PC: variants seen among roughly 807,000 people sequenced by gnomAD.
PC encodes the protein pyruvate carboxylase.
Under a neutral mutation model 107.8 loss-of-function variants are expected in PC, and 46 were observed. The ratio of observed to expected loss-of-function variants is 0.43; its 90% CI spans 0.34 to 0.55. The LOEUF (loss-of-function observed/expected upper bound fraction) is 0.55. PC is among the 20% of genes least tolerant of loss of function. The pLI, the probability that PC is intolerant of heterozygous loss-of-function variation, is 0.04. For synonymous variants in PC, 662 were observed against 684.7 expected (o/e 0.97, Z 0.52); for missense variants, 1,241 against 1,643.1 (o/e 0.76, Z 4.23).
intron 2 of PC, among the ~76,000 whole-genome samples, chr11:66,953,781 G>A (rs1404949462): frequency 6.6e-6 from 1 of 152,170 alleles, no homozygotes; most frequent in Admixed American, 6.6e-5. Context: ...AAATGGGATG[G>A]CACGTGAGAG....
chr11:66,936,466 A>T (rs1458625383), intron 3 of PC, among the ~76,000 whole-genome samples: 1 of 152,114 alleles, frequency 6.6e-6, no homozygotes, highest in Non-Finnish European at 1.5e-5. Flanking sequence ...CAATATTGTT[A>T]TTGGCAATTG....
In PC at chr11:66,870,280, A is replaced by G; in HGVS notation, c.903+22T>C. ...CCTGTGAGCACAGGCTCCTGTCCCA[A>G]CACGGGAAGCCCACCCTTCACCTGT... On this transcript the variant is annotated intron_variant, in intron 9 of 22. Coordinates refer to ENST00000393960, the MANE Select transcript of PC (RefSeq NM_001040716.2). This position sits in a 1 kb window ranked among gnomAD's most constrained non-coding sequence, Gnocchi z 6.1. The G allele has an allele frequency of 6.2e-7, 1 of 1,611,916 alleles. No individual in the cohort carries two copies. Among genetic ancestry groups the G allele is most frequent in the Non-Finnish European group, 8.5e-7 (1 of 1,179,920 alleles).
intron 3 of PC, among the ~76,000 whole-genome samples, chr11:66,879,796 C>CA (rs1947120698): frequency 6.6e-6 from 1 of 152,158 alleles, no homozygotes; most frequent in African/African-American, 2.4e-5. Flanking sequence ...AGGAGGCAGT[C>CA]AGAGACGGGA....
At position 66,851,293 on chromosome 11, in the gene PC, G is replaced by C; in HGVS notation, c.1983-13C>G. On this transcript the variant is annotated splice_polypyrimidine_tract_variant and intron_variant, in intron 16 of 22. Coordinates refer to ENST00000393960, the MANE Select transcript of PC (RefSeq NM_001040716.2). ...CACTTCACAGAACCTGCAAGGGTGA[G>C]AGAGCCCAGGGCTGAGCCCCACCCC... 6.3e-7 allele frequency: 1 copy of C among 1,599,852 alleles called. No homozygotes were observed. The highest frequency in any genetic ancestry group is 8.5e-7 in the Non-Finnish European group (1 of 1,179,938).
At chr11:66,860,695 C>T (rs906702148) in intron 12 of PC, 7 of 700,964 alleles carry the variant, frequency 1.0e-5, no homozygotes, top group East Asian at 2.7e-5. Context: ...CTTGGGCAGG[C>T]GGCCTACCCT....
intron 3 of PC, among the ~76,000 whole-genome samples, chr11:66,927,637 C>T (rs1391778473): frequency 3.3e-5 from 5 of 151,524 alleles, no homozygotes; most frequent in East Asian, 1.9e-4. Flanking sequence ...GTAGGAGAAT[C>T]GCTTGAACCC....
intron 3 of PC, among the ~76,000 whole-genome samples, chr11:66,935,867 T>TCGGG (rs1440637831): frequency 2.0e-5 from 3 of 152,022 alleles, no homozygotes; most frequent in Non-Finnish European, 4.4e-5. Flanking sequence ...GGCAGGAGGA[T>TCGGG]CGCTTGAGCT....
intron 12 of PC, among the ~76,000 whole-genome samples, chr11:66,854,090 C>G (rs904961674): frequency 6.6e-6 from 1 of 152,350 alleles, no homozygotes; most frequent in South Asian, 2.1e-4. Flanking sequence ...TTACCAAAAC[C>G]TGCATCCCAT....
chr11:66,850,480 A>G lies in PC; in HGVS notation c.2474-16T>C. The G allele has an allele frequency of 6.2e-7, 1 of 1,613,798 alleles. No homozygotes were observed. The highest frequency in any genetic ancestry group is 8.5e-7 in the Non-Finnish European group (1 of 1,180,016). On this transcript the variant is annotated splice_polypyrimidine_tract_variant and intron_variant, in intron 18 of 22. Coordinates refer to ENST00000393960, the MANE Select transcript of PC (RefSeq NM_001040716.2). ...ATGGGCACCTCTGCAGGGAGGCCAG[A>G]GTCAGAGGAGGCCTTAGAAATGTGT...
At chr11:66,873,536 A>G (rs1387915720) in intron 3 of PC, among the ~76,000 whole-genome samples, 2 of 100,156 alleles carry the variant, frequency 2.0e-5, no homozygotes, top group Non-Finnish European at 3.7e-5. Flanking sequence ...TATAATATAT[A>G]TTATATATAA....
chr11:66,899,744 A>C (rs1947882745), intron 3 of PC, among the ~76,000 whole-genome samples: 1 of 152,176 alleles, frequency 6.6e-6, no homozygotes, highest in Admixed American at 6.5e-5. Flanking sequence ...GTGTTCTTTG[A>C]TGTACAAAGG....
chr11:66,876,870 G>C (rs1324598000), intron 3 of PC, among the ~76,000 whole-genome samples: 1 of 152,134 alleles, frequency 6.6e-6, no homozygotes, highest in South Asian at 2.1e-4. Flanking sequence ...GGGAGCCTTC[G>C]GGACAAGCAC....
At chr11:66,925,452 T>C (rs985006333) in intron 3 of PC, among the ~76,000 whole-genome samples, 1 of 152,150 alleles carries the variant, frequency 6.6e-6, no homozygotes, top group Non-Finnish European at 1.5e-5. Flanking sequence ...CCCATTTGCT[T>C]TTGAAAGAAG....
At chr11:66,946,917 G>C (rs1414691022) in intron 3 of PC, among the ~76,000 whole-genome samples, 1 of 152,124 alleles carries the variant, frequency 6.6e-6, no homozygotes, top group Non-Finnish European at 1.5e-5. Flanking sequence ...TTATCATTAG[G>C]AAAATTCAAA....
chr11:66,917,120 G>A (rs1458787895), intron 3 of PC, among the ~76,000 whole-genome samples: 1 of 151,852 alleles, frequency 6.6e-6, no homozygotes, highest in Non-Finnish European at 1.5e-5. Context: ...TGCCCAGGCT[G>A]GAGTGCAGTG....
intron 3 of PC, among the ~76,000 whole-genome samples, chr11:66,904,089 G>A (rs533679435): frequency 2.6e-5 from 4 of 151,932 alleles, no homozygotes; most frequent in East Asian, 1.9e-4. Flanking sequence ...GAGTAACCTC[G>A]CCTGGTAGGT....
In PC at chr11:66,871,106, G is replaced by T. The variant is rs1946712996; in HGVS notation, c.579C>A (p.Phe193Leu). The T allele has an allele frequency of 6.2e-7, 1 of 1,613,970 alleles. No individual in the cohort carries two copies. Among genetic ancestry groups the T allele is most frequent in the East Asian group, 2.2e-5 (1 of 44,858 alleles). Reference protein sequence around the residue: ...FSNTYGFPIIFKAAYGGGGRG... With the variant: ...FSNTYGFPIILKAAYGGGGRG... ...GCCCTCCACCCCCATAGGCCGCCTT[G>T]AAGATGATGGGGAAGCCGTAGGTGT... The change falls in exon 7 of 23, where the codon TTC (phenylalanine) becomes TTA (leucine). Residue 193 changes from phenylalanine (F) to leucine (L), a missense_variant. Coordinates refer to ENST00000393960, the MANE Select transcript of PC (RefSeq NM_001040716.2). This position sits in a 1 kb window ranked among gnomAD's most constrained non-coding sequence, Gnocchi z 7.4.
chr11:66,946,631 T>A (rs1300331703), intron 3 of PC, among the ~76,000 whole-genome samples: 5 of 150,884 alleles, frequency 3.3e-5, no homozygotes, highest in East Asian at 3.9e-4. Flanking sequence ...AAAAAAAAAA[T>A]TTTTTTTAAA....
Position 66,857,586 on chromosome 11 carries a change from C to A in PC, c.1369-4203G>T. 2.7e-6 allele frequency: 2 copies of A among 746,480 alleles called. No individual in the cohort carries two copies. The highest frequency in any genetic ancestry group is 4.2e-6 in the Non-Finnish European group (2 of 472,958). The allele number at this position is 746,480 out of a possible 1,614,324, so 46.2% of individuals were successfully genotyped here. On this transcript the variant is annotated intron_variant, in intron 12 of 22. Coordinates refer to ENST00000393960, the MANE Select transcript of PC (RefSeq NM_001040716.2). The surrounding 1 kb of genome is among the most constrained non-coding windows in gnomAD (Gnocchi z 7.1). ...GGGGCCTGGCCCTGCAGGCCCCAAC[C>A]TTCCCTCATCTCTGGCGGCCCTCTT...
Sources: allele counts gnomAD v4.1 joint callset (sites outside exome capture counted in the v4.1 genomes callset), GRCh38; gene constraint gnomAD v4.1.1; non-coding constraint Gnocchi (gnomAD v3.1); transcripts MANE v1.5; gene names NCBI Gene and HGNC (gene_info 2026-07-23, HGNC 2026-07-21).